CPNE8: variants seen among roughly 807,000 people sequenced by gnomAD.
The protein encoded by CPNE8 is copine 8, also known as copine-8.
A neutral mutation model predicts 81.5 loss-of-function variants in CPNE8; 45 were observed. The observed-to-expected ratio is 0.55, with a 90% CI of 0.44 to 0.71. The LOEUF is 0.71. Ranked by LOEUF, CPNE8 falls within the 30% of genes least tolerant of loss-of-function variation. The pLI is 0.00. For missense variants in CPNE8, 594 were observed against 672.1 expected (o/e 0.88, Z 1.28); for synonymous variants, 252 against 226.3 (o/e 1.11, Z -1.02).
In CPNE8 at chr12:38,770,682, A is replaced by G. The variant is rs139882930; in HGVS notation, c.472-2944T>C. Among the ~76,000 whole-genome samples the G allele has an allele frequency of 5.0e-3, 756 of 151,740 alleles. 5 individuals are homozygous for G. The highest frequency in any genetic ancestry group is 0.017 in the African/African-American group (706 of 41,328). ...AACTGGCAATGTTTTAGCTCAATCAACTCCCACTGCTCACCCCTGGCCATC... is the reference window on the plus strand; with the variant it reads ...AACTGGCAATGTTTTAGCTCAATCAGCTCCCACTGCTCACCCCTGGCCATC... On this transcript the variant is annotated intron_variant, in intron 7 of 19. Transcript: ENST00000331366.
chr12:38,890,871 A>C, intron 1 of CPNE8, among the ~76,000 whole-genome samples: 1 of 149,806 alleles, frequency 6.7e-6, no homozygotes, highest in East Asian at 1.9e-4. Context: ...TAAGCGAATT[A>C]TCTGTCAACA....
At chr12:38,846,193 C>T (rs546987298) in intron 4 of CPNE8, among the ~76,000 whole-genome samples, 6 of 152,126 alleles carry the variant, frequency 3.9e-5, no homozygotes, top group Admixed American at 6.5e-5. Flanking sequence ...AAATAACAGA[C>T]GAGGAGTTCA....
intron 14 of CPNE8, among the ~76,000 whole-genome samples, chr12:38,695,749 G>C (rs1312645225): frequency 6.6e-6 from 1 of 152,120 alleles, no homozygotes; most frequent in East Asian, 1.9e-4. Context: ...AACCAGCCTG[G>C]CCAACATGGT....
chr12:38,711,894 T>C lies in CPNE8; in HGVS notation c.915-8973A>G, dbSNP rs1226694743. Among the ~76,000 whole-genome samples, 3 of 152,190 alleles carry C rather than the reference T, an allele frequency of 2.0e-5. No homozygotes were observed. The East Asian group carries it at 5.8e-4, about 29-fold the overall frequency. On this transcript the variant is annotated intron_variant, in intron 13 of 19. Coordinates refer to ENST00000331366, the MANE Select transcript of CPNE8 (RefSeq NM_153634.3). ...AAACTTTTCAGTTTCGATATGATAA[T>C]GTTCCATGTGAAAATGAGTTCAGTT...
intron 1 of CPNE8, among the ~76,000 whole-genome samples, chr12:38,886,646 G>A (rs1015750998): frequency 4.1e-4 from 62 of 152,320 alleles, no homozygotes; most frequent in African/African-American, 1.4e-3. Flanking sequence ...GATGTAATGT[G>A]AGCCTAAGGC....
chr12:38,739,009 C>T (rs1038542), intron 10 of CPNE8, among the ~76,000 whole-genome samples: 122,004 of 151,332 alleles, frequency 0.81, 52,126 homozygotes, highest in Middle Eastern at 0.97. Flanking sequence ...GATGGGGTTT[C>T]ACCATGTGGG....
At chr12:38,799,780 G>A (rs868722534) in intron 6 of CPNE8, among the ~76,000 whole-genome samples, 5 of 142,384 alleles carry the variant, frequency 3.5e-5, no homozygotes, top group East Asian at 2.0e-4. Flanking sequence ...CAGACAGTGG[G>A]CGCAGGCCAG....
chr12:38,683,478 T>TA, intron 16 of CPNE8, among the ~76,000 whole-genome samples: 1 of 152,128 alleles, frequency 6.6e-6, no homozygotes, highest in East Asian at 1.9e-4. Context: ...TTTACATAAA[T>TA]GGAGGTCACA....
chr12:38,757,920 T>C (rs1941494297), intron 10 of CPNE8, among the ~76,000 whole-genome samples: 1 of 152,082 alleles, frequency 6.6e-6, no homozygotes, highest in Admixed American at 6.5e-5. Context: ...TTGAACATGC[T>C]GTTAATGATG....
intron 4 of CPNE8, among the ~76,000 whole-genome samples, chr12:38,847,262 A>G (rs1943574022): frequency 6.6e-6 from 1 of 152,184 alleles, no homozygotes; most frequent in South Asian, 2.1e-4. Context: ...GGGAACAAAG[A>G]ATCATGAAAT....
intron 6 of CPNE8, among the ~76,000 whole-genome samples, chr12:38,797,077 A>T (rs559088893): frequency 2.6e-4 from 40 of 152,318 alleles, no homozygotes; most frequent in Admixed American, 2.6e-3. Flanking sequence ...CCACAGCTCA[A>T]GGAGGCCTGC....
At chr12:38,760,784 T>C in intron 10 of CPNE8, 63 bp downstream of exon 10, 1 of 1,271,030 alleles carries the variant, frequency 7.9e-7, no homozygotes, top group Admixed American at 1.9e-5. Context: ...ATGTGGTCAT[T>C]TCAATGTATG....
intron 4 of CPNE8, 60 bp from the exon 5 acceptor site, chr12:38,840,015 C>G: frequency 1.4e-6 from 2 of 1,432,240 alleles, no homozygotes; most frequent in Non-Finnish European, 1.9e-6. Context: ...GAAAAAAAAC[C>G]AGTATTTTCC....
chr12:38,673,725 C>T (rs935021264), intron 18 of CPNE8, among the ~76,000 whole-genome samples: 1 of 152,032 alleles, frequency 6.6e-6, no homozygotes, highest in African/African-American at 2.4e-5. Context: ...AGGCAACTTC[C>T]CTTTTCATCT....
In CPNE8 at chr12:38,871,404, C is replaced by T. The variant is rs182707821; in HGVS notation, c.186+1600G>A. ...CTGGTCAATGCTCAGTCCCATCTAG[C>T]CTGGCATCTATGGTCAGTAAGCCGT... On this transcript the variant is annotated intron_variant, in intron 3 of 19. Transcript: ENST00000331366. Among the ~76,000 whole-genome samples the T allele has an allele frequency of 1.9e-3, 282 of 152,276 alleles. 1 individual carries two copies. Among genetic ancestry groups the T allele is most frequent in the African/African-American group, 6.6e-3 (273 of 41,544 alleles).
At chr12:38,793,779 C>G (rs867823652) in intron 6 of CPNE8, among the ~76,000 whole-genome samples, 4 of 151,792 alleles carry the variant, frequency 2.6e-5, no homozygotes, top group Non-Finnish European at 5.9e-5. Context: ...AACTGTGAAA[C>G]AGTAGAATGA....
At position 38,905,539 on chromosome 12, in the gene CPNE8, G is replaced by A. The variant is rs373122438; in HGVS notation, c.-5C>T. ...GCTGTTGTAGCGGCTGTCCATATTGGGAGGAGGCGCCTTGGACTTGTCCGG... is the reference window on the plus strand; with the variant it reads ...GCTGTTGTAGCGGCTGTCCATATTGAGAGGAGGCGCCTTGGACTTGTCCGG... On this transcript the variant is annotated 5_prime_UTR_variant, in exon 1 of 20. Transcript: ENST00000331366. 1.7e-5 allele frequency: 27 copies of A among 1,557,926 alleles called. No individual in the cohort carries two copies. The African/African-American group carries it at 3.0e-4, about 17-fold the overall frequency.
intron 1 of CPNE8, among the ~76,000 whole-genome samples, chr12:38,892,482 T>G (rs761641265): frequency 6.6e-6 from 1 of 152,072 alleles, no homozygotes; most frequent in African/African-American, 2.4e-5. Flanking sequence ...GGAAAGGAGG[T>G]GACCGACACT....
intron 6 of CPNE8, among the ~76,000 whole-genome samples, chr12:38,781,055 C>G (rs895641418): frequency 1.3e-5 from 2 of 149,022 alleles, no homozygotes; most frequent in African/African-American, 4.9e-5. Context: ...TTCTCATGGT[C>G]TCTTACTGTT....
Sources: allele counts gnomAD v4.1 joint callset (sites outside exome capture counted in the v4.1 genomes callset), GRCh38; gene constraint gnomAD v4.1.1; transcripts MANE v1.5; gene names NCBI Gene and HGNC (gene_info 2026-07-23, HGNC 2026-07-21).